PRKG1: variants seen among roughly 807,000 people sequenced by gnomAD.
The protein encoded by PRKG1 is protein kinase cGMP-dependent 1.
Under a neutral mutation model 88.1 loss-of-function variants are expected in PRKG1, and 35 were observed. The observed-to-expected ratio is 0.40, with a 90% CI of 0.30 to 0.53. The LOEUF is 0.53. PRKG1 is among the 20% of genes least tolerant of loss of function. The probability of loss-of-function intolerance (pLI) is 0.59; values close to 1 mark genes in which losing one functional copy is unlikely to be tolerated. For missense variants in PRKG1, 540 were observed against 839.8 expected (o/e 0.64, Z 4.41); for synonymous variants, 303 against 292.5 (o/e 1.04, Z -0.37).
chr10:51,288,360 T>A (rs1840497375), intron 2 of PRKG1, among the ~76,000 whole-genome samples: 1 of 152,124 alleles, frequency 6.6e-6, no homozygotes. Context: ...AAATATTAGG[T>A]GCTGCAGTAA....
chr10:51,608,963 TATG>T (rs1344156796), intron 3 of PRKG1, among the ~76,000 whole-genome samples: 40 of 152,132 alleles, frequency 2.6e-4, no homozygotes, highest in African/African-American at 7.7e-4. Flanking sequence ...TGTAGTGCTG[TATG>T]ATGAGTTTGT....
At chr10:52,225,357 T>C (rs995105314) in intron 9 of PRKG1, among the ~76,000 whole-genome samples, 2 of 152,252 alleles carry the variant, frequency 1.3e-5, no homozygotes, top group South Asian at 4.1e-4. Flanking sequence ...ACTGATGTGT[T>C]TGAGTTTGTT....
At chr10:51,578,987 T>C (rs1371395577) in intron 3 of PRKG1, among the ~76,000 whole-genome samples, 1 of 134,594 alleles carries the variant, frequency 7.4e-6, no homozygotes, top group Non-Finnish European at 1.6e-5. Flanking sequence ...TTGGTTTTTT[T>C]TTTTTTTTTT....
intron 5 of PRKG1, among the ~76,000 whole-genome samples, chr10:52,051,730 T>C (rs1157073766): frequency 6.6e-6 from 1 of 152,182 alleles, no homozygotes; most frequent in Non-Finnish European, 1.5e-5. Flanking sequence ...AACTTCACTA[T>C]TGTGAAGAGA....
At chr10:51,560,282 AAATGG>A (rs571536883) in intron 3 of PRKG1, among the ~76,000 whole-genome samples, 47 of 152,286 alleles carry the variant, frequency 3.1e-4, no homozygotes, top group Admixed American at 4.6e-4. Context: ...TGAGATTTAT[AAATGG>A]AATGGAATGT....
At chr10:51,930,492 CCTCT>C (rs1442290069) in intron 5 of PRKG1, among the ~76,000 whole-genome samples, 1 of 99,880 alleles carries the variant, frequency 1.0e-5, no homozygotes, top group African/African-American at 8.0e-5. Context: ...CTTTTTTTTT[CCTCT>C]TTTTTTTTTT....
At chr10:51,928,076 A>C (rs1375295350) in intron 5 of PRKG1, among the ~76,000 whole-genome samples, 1 of 152,156 alleles carries the variant, frequency 6.6e-6, no homozygotes, top group Non-Finnish European at 1.5e-5. Context: ...TGAATTGAAA[A>C]AGGTGTTTTA....
intron 5 of PRKG1, among the ~76,000 whole-genome samples, chr10:51,986,924 G>A (rs541680996): frequency 6.6e-6 from 1 of 152,214 alleles, no homozygotes; most frequent in South Asian, 2.1e-4. Flanking sequence ...GGGAGATGGG[G>A]AAGTCTGTCA....
At chr10:51,951,432 T>G (rs1843181162) in intron 5 of PRKG1, among the ~76,000 whole-genome samples, 1 of 152,190 alleles carries the variant, frequency 6.6e-6, no homozygotes, top group Admixed American at 6.5e-5. Flanking sequence ...TTCTTAAGCT[T>G]AATACTGTTG....
At chr10:51,638,407 G>A (rs1353944760) in intron 3 of PRKG1, among the ~76,000 whole-genome samples, 1 of 152,012 alleles carries the variant, frequency 6.6e-6, no homozygotes, top group African/African-American at 2.4e-5. Context: ...GAGCAGAAAC[G>A]TAACTTAGCT....
At chr10:52,148,203 A>G (rs11000953) in intron 8 of PRKG1, among the ~76,000 whole-genome samples, 105,808 of 152,018 alleles carry the variant, frequency 0.7, 37,375 homozygotes, top group South Asian at 0.77. Context: ...TCTAGGTAAC[A>G]TTGGCAATGC....
At chr10:51,334,152 T>TTCTCTCTCTCTCTCTCTCTCTC (rs10568175) in intron 2 of PRKG1, among the ~76,000 whole-genome samples, 23 of 137,224 alleles carry the variant, frequency 1.7e-4, no homozygotes, top group Non-Finnish European at 2.8e-4. Context: ...CTCTCTCTCT[T>TTCTCTCTCTCTCTCTCTCTCTC]TCTCTCTCTC....
At position 51,034,663 on chromosome 10, in the gene PRKG1, GTTAT is replaced by G. The variant is rs199524579; in HGVS notation, c.266+43024_266+43027del. On this transcript the variant is annotated intron_variant, in intron 1 of 17. Coordinates refer to the PRKG1 transcript ENST00000401604. ...AAATAAGCAAAATTATATATAATAT[GTTAT>G]TTATATATATATATATATATATATA... is the stretch of plus-strand genomic sequence containing the variant. Among the ~76,000 whole-genome samples, 187 of 12,408 alleles carry G rather than the reference GTTAT, an allele frequency of 0.015. 5 individuals carry two copies. In the East Asian group the frequency reaches 0.31, roughly 20 times the overall value. The allele number at this position is 12,408 out of a possible 152,430, so 8.1% of individuals were successfully genotyped here. A position where few individuals can be genotyped will look rare whatever the true frequency, so the allele number is the denominator to read the frequency against.
chr10:52,098,613 T>G (rs191188785), intron 7 of PRKG1, among the ~76,000 whole-genome samples: 1 of 152,064 alleles, frequency 6.6e-6, no homozygotes, highest in African/African-American at 2.4e-5. Context: ...GAGTTCGAGA[T>G]AGATGTGTAA....
At chr10:51,184,862 T>C (rs1471231686) in intron 2 of PRKG1, among the ~76,000 whole-genome samples, 1 of 152,106 alleles carries the variant, frequency 6.6e-6, no homozygotes, top group Non-Finnish European at 1.5e-5. Flanking sequence ...ACCTTCACCA[T>C]TTTTCAGGCA....
chr10:51,211,528 C>T (rs1318008963), intron 2 of PRKG1, among the ~76,000 whole-genome samples: 1 of 152,134 alleles, frequency 6.6e-6, no homozygotes, highest in African/African-American at 2.4e-5. Context: ...GTCAAATTGT[C>T]CCTGTTTGCA....
At chr10:51,514,496 G>C (rs1409352) in intron 3 of PRKG1, among the ~76,000 whole-genome samples, 2 of 152,158 alleles carry the variant, frequency 1.3e-5, no homozygotes, top group Admixed American at 6.5e-5. Context: ...CCTCCCTGTA[G>C]CTCAAAGAAA....
At chr10:51,236,563 C>T (rs61295989) in intron 2 of PRKG1, among the ~76,000 whole-genome samples, 6,257 of 151,188 alleles carry the variant, frequency 0.041, 434 homozygotes, top group African/African-American at 0.14. Flanking sequence ...AGTGCAGTGG[C>T]ATGATCTTGG....
intron 6 of PRKG1, among the ~76,000 whole-genome samples, chr10:52,056,069 G>A (rs932722954): frequency 6.6e-6 from 1 of 152,162 alleles, no homozygotes; most frequent in African/African-American, 2.4e-5. Flanking sequence ...TGGGATAGAA[G>A]TAGAACTCAA....
Sources: gnomAD v4.1 joint callset for allele counts (sites outside exome capture counted in the v4.1 genomes callset) on GRCh38, gnomAD v4.1.1 for gene constraint, MANE v1.5 for transcripts, NCBI Gene and HGNC (gene_info 2026-07-23, HGNC 2026-07-21) for gene names.